NDUFA8: variants seen among roughly 807,000 people sequenced by gnomAD.
NDUFA8 encodes the protein NADH dehydrogenase [ubiquinone] 1 alpha subcomplex subunit 8.
Under a neutral mutation model 20.9 loss-of-function variants are expected in NDUFA8, and 16 were observed. That is an observed-to-expected ratio of 0.77 (90% confidence interval 0.52 to 1.16). The LOEUF (loss-of-function observed/expected upper bound fraction) is 1.16. Among genes scored for constraint, NDUFA8 ranks in the 50% most tolerant of loss-of-function variants. The probability of loss-of-function intolerance (pLI) is 0.00; values close to 1 mark genes in which losing one functional copy is unlikely to be tolerated. For synonymous variants in NDUFA8, 70 were observed against 76.1 expected (o/e 0.92, Z 0.41); for missense variants, 202 against 216.4 (o/e 0.93, Z 0.42).
downstream of NDUFA8, among the ~76,000 whole-genome samples, chr9:122,139,231 A>T (rs150609902): frequency 4.1e-4 from 63 of 152,210 alleles, 1 homozygote; most frequent in East Asian, 9.5e-3. Flanking sequence ...GTTCCTGCAG[A>T]CTGGGACACT....
chr9:122,146,137 C>T (rs1828901897), intron 3 of NDUFA8, among the ~76,000 whole-genome samples: 2 of 152,112 alleles, frequency 1.3e-5, no homozygotes, highest in Admixed American at 1.3e-4. Context: ...CAGAGTGAGA[C>T]TCCACTTCAA....
chr9:122,153,473 T>C (rs1829035852), intron 1 of NDUFA8, among the ~76,000 whole-genome samples: 1 of 151,876 alleles, frequency 6.6e-6, no homozygotes, highest in Non-Finnish European at 1.5e-5. Context: ...TCAGAGCGTA[T>C]CCAAGGTTGC....
chr9:122,136,691 G>A, the NDUFA8 span, among the ~76,000 whole-genome samples: 1 of 151,792 alleles, frequency 6.6e-6, no homozygotes, highest in African/African-American at 2.4e-5. Context: ...TGAGTAGCTG[G>A]GATTACAGGC....
At chr9:122,158,796 T>C (rs539810281) in intron 1 of NDUFA8, among the ~76,000 whole-genome samples, 3 of 140,578 alleles carry the variant, frequency 2.1e-5, no homozygotes, top group South Asian at 2.1e-4. Flanking sequence ...TGTATATATA[T>C]GTGTATGTGT....
intron 1 of NDUFA8, 26 bp from the exon 2 acceptor site, chr9:122,152,434 G>A (rs765324436): frequency 1.9e-6 from 3 of 1,612,530 alleles, no homozygotes; most frequent in Non-Finnish European, 2.5e-6. Context: ...TGGGACAAAG[G>A]CCACAGACTG....
chr9:122,142,512 G>T (rs1375640911), downstream of NDUFA8, among the ~76,000 whole-genome samples: 1 of 152,184 alleles, frequency 6.6e-6, no homozygotes, highest in African/African-American at 2.4e-5. Flanking sequence ...TGCACTCAAA[G>T]CTGAGAACCA....
At chr9:122,143,515 C>T (rs920592458), downstream of NDUFA8, among the ~76,000 whole-genome samples, 15 of 152,210 alleles carry the variant, frequency 9.9e-5, no homozygotes, top group Non-Finnish European at 1.8e-4. Context: ...GGTTAAGGAA[C>T]ACACCCAAGG....
the NDUFA8 span, among the ~76,000 whole-genome samples, chr9:122,132,501 G>A: frequency 6.6e-6 from 1 of 152,130 alleles, no homozygotes; most frequent in African/African-American, 2.4e-5. Context: ...CTTCATCTCA[G>A]GCTGGAGCTG....
At chr9:122,155,192 C>T (rs1829059991) in intron 1 of NDUFA8, among the ~76,000 whole-genome samples, 1 of 152,200 alleles carries the variant, frequency 6.6e-6, no homozygotes, top group African/African-American at 2.4e-5. Context: ...GATTCTCCTG[C>T]CTCAGCCTTC....
chr9:122,147,819 G>C (rs1433218246), intron 3 of NDUFA8, among the ~76,000 whole-genome samples: 1 of 151,722 alleles, frequency 6.6e-6, no homozygotes, highest in Non-Finnish European at 1.5e-5. Flanking sequence ...GTAGAGACGG[G>C]GTTTTACCAT....
chr9:122,158,271 C>A (rs1829109061), intron 1 of NDUFA8, among the ~76,000 whole-genome samples: 1 of 152,160 alleles, frequency 6.6e-6, no homozygotes, highest in Non-Finnish European at 1.5e-5. Context: ...TCCAGCCCTG[C>A]CATGACACTC....
In NDUFA8 at chr9:122,144,194, C is replaced by G. The variant is rs752991646; in HGVS notation, c.*47G>C. The G allele has an allele frequency of 3.1e-6, 5 of 1,612,440 alleles. No homozygotes were observed. The South Asian group carries it at 4.4e-5, about 14-fold the overall frequency. On this transcript the variant is annotated 3_prime_UTR_variant, in exon 4 of 4. Transcript: ENST00000373768. ...ATGCAAACCGCATGGGCGTTTTCATCAGTCGTTGTCTGAGCACATGACCGA... is the reference window on the plus strand; with the variant it reads ...ATGCAAACCGCATGGGCGTTTTCATGAGTCGTTGTCTGAGCACATGACCGA...
chr9:122,154,119 G>T (rs1200908863), intron 1 of NDUFA8, among the ~76,000 whole-genome samples: 1 of 152,044 alleles, frequency 6.6e-6, no homozygotes, highest in East Asian at 1.9e-4. Flanking sequence ...GCTCCCAGAG[G>T]GAAGGGATTT....
chr9:122,143,976 GC>G, downstream of NDUFA8: 1 of 1,020,026 alleles, frequency 9.8e-7, no homozygotes, highest in Non-Finnish European at 1.3e-6. Context: ...AGAGGAACAG[GC>G]AGGACCACAA....
At chr9:122,159,568 C>T (rs983567880) in intron 1 of NDUFA8, 59 bp downstream of exon 1, 3 of 1,605,466 alleles carry the variant, frequency 1.9e-6, no homozygotes, top group Non-Finnish European at 2.6e-6. Context: ...GGGGGCTAGG[C>T]CCAGGCCCGA....
chr9:122,149,872 G>A lies in NDUFA8; in HGVS notation c.216-1595C>T, dbSNP rs560720591. ...CTCAGGTGGCTGAGGCACGAGAATC[G>A]CTTGAACCCAGGAGGCAGAGGTTGC... On this transcript the variant is annotated intron_variant, in intron 2 of 3. Coordinates refer to ENST00000373768, the MANE Select transcript of NDUFA8 (RefSeq NM_014222.3). 1.5e-3 allele frequency among the ~76,000 whole-genome samples: 225 copies of A among 152,132 alleles called. 2 individuals are homozygous for A. The highest frequency in any genetic ancestry group is 2.9e-3 in the Non-Finnish European group (197 of 67,998).
chr9:122,146,851 G>A (rs1377118302), intron 3 of NDUFA8, among the ~76,000 whole-genome samples: 2 of 152,192 alleles, frequency 1.3e-5, no homozygotes, highest in African/African-American at 4.8e-5. Flanking sequence ...AGCTGTGATC[G>A]CACCACTGCA....
chr9:122,142,437 C>A (rs2118689929), downstream of NDUFA8, among the ~76,000 whole-genome samples: 1 of 152,304 alleles, frequency 6.6e-6, no homozygotes, highest in Non-Finnish European at 1.5e-5. Context: ...ACACCAATTA[C>A]AACAGAATCT....
At chr9:122,140,429 A>G (rs540670254), downstream of NDUFA8, among the ~76,000 whole-genome samples, 5 of 152,352 alleles carry the variant, frequency 3.3e-5, no homozygotes, top group Admixed American at 3.3e-4. Flanking sequence ...CTAGGATTTG[A>G]TATCTACAAA....
Sources: allele counts gnomAD v4.1 joint callset (sites outside exome capture counted in the v4.1 genomes callset), GRCh38; gene constraint gnomAD v4.1.1; transcripts MANE v1.5; gene names NCBI Gene and HGNC (gene_info 2026-07-23, HGNC 2026-07-21).